QTMAN: variants seen among roughly 807,000 people sequenced by gnomAD.
QTMAN encodes the protein queuosine-tRNA mannosyltransferase.
At chr2:144,041,246 G>C in the QTMAN span, among the ~76,000 whole-genome samples, 1 of 152,092 alleles carries the variant, frequency 6.6e-6, no homozygotes, top group Admixed American at 6.5e-5. Context: ...ACAACATCTT[G>C]GGTCACAATA....
At chr2:144,201,572 T>G in the QTMAN span, among the ~76,000 whole-genome samples, 1 of 152,212 alleles carries the variant, frequency 6.6e-6, no homozygotes, top group East Asian at 1.9e-4. Context: ...CACTAAGCTT[T>G]CTTTCAATCA....
At chr2:144,047,141 T>C in the QTMAN span, among the ~76,000 whole-genome samples, 39 of 152,094 alleles carry the variant, frequency 2.6e-4, no homozygotes, top group Non-Finnish European at 5.3e-4. Context: ...CACGGTGGTG[T>C]GTGCCTGTAA....
the QTMAN span, among the ~76,000 whole-genome samples, chr2:144,263,105 C>G: frequency 6.6e-6 from 1 of 151,836 alleles, no homozygotes; most frequent in African/African-American, 2.4e-5. Context: ...ACATGTAAAG[C>G]ACTTACTGCT....
chr2:144,286,701 T>C, the QTMAN span, among the ~76,000 whole-genome samples: 1 of 152,182 alleles, frequency 6.6e-6, no homozygotes, highest in Non-Finnish European at 1.5e-5. Context: ...TCCCCCAGAA[T>C]ATATTTCCAC....
At chr2:144,101,992 CACTT>C in the QTMAN span, among the ~76,000 whole-genome samples, 1 of 152,188 alleles carries the variant, frequency 6.6e-6, no homozygotes, top group African/African-American at 2.4e-5. Flanking sequence ...TAGTACCTCA[CACTT>C]ACTGTTTCCC....
At chr2:144,008,325 T>TA in the QTMAN span, among the ~76,000 whole-genome samples, 1 of 150,180 alleles carries the variant, frequency 6.7e-6, no homozygotes, top group Non-Finnish European at 1.5e-5. Flanking sequence ...GCCATTCCAG[T>TA]TTTTTTTTAA....
At chr2:143,980,095 T>C in the QTMAN span, among the ~76,000 whole-genome samples, 10 of 152,180 alleles carry the variant, frequency 6.6e-5, no homozygotes, top group South Asian at 2.1e-4. Context: ...GGTTAACGTG[T>C]TGCCATGGTG....
At chr2:144,170,011 G>A in the QTMAN span, among the ~76,000 whole-genome samples, 1 of 151,930 alleles carries the variant, frequency 6.6e-6, no homozygotes, top group Admixed American at 6.6e-5. Flanking sequence ...TTATACAACT[G>A]AGATTGTACT....
chr2:143,974,891 A>G, the QTMAN span, among the ~76,000 whole-genome samples: 1 of 152,178 alleles, frequency 6.6e-6, no homozygotes, highest in South Asian at 2.1e-4. Context: ...TAATCCCTAT[A>G]CATTTGACAG....
the QTMAN span, among the ~76,000 whole-genome samples, chr2:144,202,608 A>G: frequency 6.6e-6 from 1 of 152,282 alleles, no homozygotes; most frequent in East Asian, 1.9e-4. Flanking sequence ...TTTTGCATCC[A>G]TTTGGGGATG....
the QTMAN span, among the ~76,000 whole-genome samples, chr2:144,083,162 G>A: frequency 1.3e-5 from 2 of 152,232 alleles, no homozygotes; most frequent in African/African-American, 4.8e-5. Context: ...GACCCAACTA[G>A]GAATGTGGTC....
the QTMAN span, among the ~76,000 whole-genome samples, chr2:144,247,792 GC>G: frequency 1.3e-5 from 2 of 152,010 alleles, no homozygotes; most frequent in Admixed American, 6.6e-5. Flanking sequence ...TCCCACCTCA[GC>G]CCCCACCCTA....
the QTMAN span, among the ~76,000 whole-genome samples, chr2:144,051,860 T>A: frequency 1.3e-5 from 2 of 152,338 alleles, no homozygotes; most frequent in Admixed American, 1.3e-4. Context: ...ATGGCTACCA[T>A]GCTGGTGCTA....
the QTMAN span, among the ~76,000 whole-genome samples, chr2:144,105,252 G>A: frequency 3.9e-5 from 6 of 152,212 alleles, no homozygotes; most frequent in Non-Finnish European, 7.3e-5. Flanking sequence ...AAAGCTGGAC[G>A]GAGAATGACT....
chr2:143,972,571 C>T, the QTMAN span, among the ~76,000 whole-genome samples: 7 of 152,060 alleles, frequency 4.6e-5, 1 homozygote, highest in South Asian at 1.5e-3. Flanking sequence ...AAGCAGCAGG[C>T]TTTATAAACC....
the QTMAN span, among the ~76,000 whole-genome samples, chr2:144,237,010 A>G: frequency 6.6e-6 from 1 of 152,166 alleles, no homozygotes; most frequent in South Asian, 2.1e-4. Flanking sequence ...CTCAAAAAAT[A>G]ACATATTTAG....
the QTMAN span, among the ~76,000 whole-genome samples, chr2:144,056,108 A>G: frequency 5.9e-5 from 9 of 152,302 alleles, no homozygotes; most frequent in South Asian, 1.9e-3. Flanking sequence ...ATATTTTACT[A>G]TATATAGGTA....
At chr2:144,100,539 G>A in the QTMAN span, among the ~76,000 whole-genome samples, 28 of 152,194 alleles carry the variant, frequency 1.8e-4, no homozygotes, top group South Asian at 5.8e-3. Context: ...AATAACCATT[G>A]GAACTTAAAT....
chr2:144,064,740 T>A, the QTMAN span, among the ~76,000 whole-genome samples: 8 of 152,204 alleles, frequency 5.3e-5, no homozygotes, highest in Admixed American at 5.2e-4. Flanking sequence ...TTGAAATTTG[T>A]CAGGGGCAGA....
Sources: allele counts gnomAD v4.1 joint callset (sites outside exome capture counted in the v4.1 genomes callset), GRCh38; gene constraint gnomAD v4.1.1; transcripts MANE v1.5; gene names NCBI Gene and HGNC (gene_info 2026-07-23, HGNC 2026-07-21).